CDH12: variants seen among roughly 807,000 people sequenced by gnomAD.
CDH12 encodes the protein cadherin 12.
CDH12 carries 41 observed loss-of-function variants against 74.1 expected under a neutral mutation model. That is an observed-to-expected ratio of 0.55 (90% CI 0.43 to 0.72). The LOEUF is 0.72. Among genes scored for constraint, CDH12 ranks in the 30% least tolerant of loss-of-function variants. The probability of loss-of-function intolerance (pLI) is 0.00; values close to 1 mark genes in which losing one functional copy is unlikely to be tolerated. For synonymous variants in CDH12, 399 were observed against 355.0 expected (o/e 1.12, Z -1.39); for missense variants, 945 against 977.2 (o/e 0.97, Z 0.44).
intron 4 of CDH12, among the ~76,000 whole-genome samples, chr5:22,123,929 T>C (rs533641658): frequency 1.3e-5 from 2 of 151,928 alleles, no homozygotes; most frequent in East Asian, 3.9e-4. Flanking sequence ...AGTTTTTTAA[T>C]TTTTAAAAAA....
intron 1 of CDH12, among the ~76,000 whole-genome samples, chr5:22,667,527 G>T (rs987357305): frequency 6.6e-6 from 1 of 152,154 alleles, no homozygotes; most frequent in Non-Finnish European, 1.5e-5. Flanking sequence ...ACCTCCTTTG[G>T]TCTACTTCCT....
chr5:21,776,352 A>C (rs1230226838), intron 11 of CDH12, among the ~76,000 whole-genome samples: 1 of 152,212 alleles, frequency 6.6e-6, no homozygotes, highest in Admixed American at 6.5e-5. Context: ...TAACTGTAAA[A>C]TAATACATGT....
chr5:22,738,358 A>G (rs186233352), intron 1 of CDH12, among the ~76,000 whole-genome samples: 19 of 152,240 alleles, frequency 1.2e-4, no homozygotes, highest in African/African-American at 3.8e-4. Context: ...ATTTCAGGGA[A>G]AAGGTATTAT....
At chr5:21,880,660 T>C (rs532424572) in intron 6 of CDH12, among the ~76,000 whole-genome samples, 4 of 137,396 alleles carry the variant, frequency 2.9e-5, no homozygotes, top group East Asian at 2.2e-4. Context: ...TCTTTCTTTC[T>C]TTCTTTCTTT....
At chr5:22,789,713 A>C (rs147414571) in intron 1 of CDH12, among the ~76,000 whole-genome samples, 3,043 of 152,100 alleles carry the variant, frequency 0.02, 96 homozygotes, top group African/African-American at 0.069. Context: ...TCAAATTACC[A>C]AAATTTTAAA....
chr5:22,228,690 A>G (rs141887358), intron 3 of CDH12, among the ~76,000 whole-genome samples: 1 of 152,268 alleles, frequency 6.6e-6, no homozygotes, highest in East Asian at 1.9e-4. Context: ...TGAAAACACG[A>G]GCATGATTCT....
At chr5:22,136,598 T>C (rs1316339870) in intron 4 of CDH12, among the ~76,000 whole-genome samples, 10 of 151,332 alleles carry the variant, frequency 6.6e-5, no homozygotes, top group Non-Finnish European at 1.0e-4. Flanking sequence ...CTCAATTATA[T>C]ATACATTATA....
At position 21,854,713 on chromosome 5, in the gene CDH12, T is replaced by C. The variant is rs753232601; in HGVS notation, c.604A>G (p.Ile202Val). The change falls in exon 7 of 15, where the codon ATT becomes GTT. Residue 202 changes from isoleucine (I) to valine (V), a missense_variant. Physicochemically the swap from Ile to Val is conservative, Grantham distance 29. This residue lies in a region of CDH12 where 791 missense variants were observed against 792.8 expected (regional missense o/e 1.00). Coordinates refer to ENST00000382254, the MANE Select transcript of CDH12 (RefSeq NM_004061.5). ...YGNSARVVYS[I>V]LQGQPYFSID... ...GAGAAATAAGGTTGTCCCTGAAGAA[T>C]GCTGTAAACGACTCTGGCACTGTTT... 3 of 1,587,932 alleles carry C rather than the reference T, an allele frequency of 1.9e-6. No individual in the cohort carries two copies. Among genetic ancestry groups the C allele is most frequent in the Admixed American group, 1.7e-5 (1 of 59,550 alleles).
At chr5:22,308,592 A>G (rs1298409036) in intron 3 of CDH12, among the ~76,000 whole-genome samples, 1 of 152,198 alleles carries the variant, frequency 6.6e-6, no homozygotes, top group Admixed American at 6.5e-5. Flanking sequence ...ATTTAATTGT[A>G]TATGTAAATG....
intron 2 of CDH12, among the ~76,000 whole-genome samples, chr5:22,499,161 G>A (rs1244323525): frequency 6.6e-6 from 1 of 151,384 alleles, no homozygotes; most frequent in Non-Finnish European, 1.5e-5. Flanking sequence ...TGATCCGCCT[G>A]TCTTGGCCTC....
chr5:22,596,751 A>G lies in CDH12; in HGVS notation c.-522-91387T>C, dbSNP rs143816135. On this transcript the variant is annotated intron_variant, in intron 1 of 14. Coordinates refer to ENST00000382254, the MANE Select transcript of CDH12 (RefSeq NM_004061.5). Reference sequence around the variant, plus strand: ...ACTAATTTACAGGCTTCTGTTTTCAATAACTACTCTCATCTTACCAGTCAT... The same window carrying G: ...ACTAATTTACAGGCTTCTGTTTTCAGTAACTACTCTCATCTTACCAGTCAT... Among the ~76,000 whole-genome samples, 431 of 152,310 alleles carry G rather than the reference A, an allele frequency of 2.8e-3. 3 individuals are homozygous for G. The highest frequency in any genetic ancestry group is 9.7e-3 in the African/African-American group (405 of 41,578).
chr5:22,196,147 ATTT>A lies in CDH12; in HGVS notation c.-187+16348_-187+16350del, dbSNP rs71609752. ...TCTCTGTCTATTCTATCTGCATGTAATTTTTTTTTTTTTTTTTTGACAGAGTCT... is the reference window on the plus strand; with the variant it reads ...TCTCTGTCTATTCTATCTGCATGTAATTTTTTTTTTTTTTTGACAGAGTCT... On this transcript the variant is annotated intron_variant, in intron 4 of 14. Coordinates refer to ENST00000382254, the MANE Select transcript of CDH12 (RefSeq NM_004061.5). Among the ~76,000 whole-genome samples, 43 of 132,076 alleles carry A rather than the reference ATTT, an allele frequency of 3.3e-4. 1 individual carries two copies. The highest frequency in any genetic ancestry group is 2.3e-4 in the Admixed American group (3 of 12,852). 86.6% of individuals were successfully genotyped at this position (132,076 alleles called of 152,430 possible).
chr5:22,090,784 T>C (rs984120604), intron 4 of CDH12, among the ~76,000 whole-genome samples: 4 of 151,988 alleles, frequency 2.6e-5, no homozygotes, highest in African/African-American at 9.7e-5. Flanking sequence ...CCAATAAATA[T>C]TTAATGTAAT....
intron 6 of CDH12, among the ~76,000 whole-genome samples, chr5:21,971,064 T>A (rs1029658322): frequency 1.5e-4 from 23 of 151,946 alleles, no homozygotes; most frequent in Non-Finnish European, 2.9e-4. Context: ...TCTTTTCTTA[T>A]TTAAATGTCA....
chr5:22,727,139 G>T (rs977999037), intron 1 of CDH12, among the ~76,000 whole-genome samples: 1 of 151,676 alleles, frequency 6.6e-6, no homozygotes, highest in Non-Finnish European at 1.5e-5. Context: ...CCTTTATTGG[G>T]TGTGTGACTA....
chr5:22,661,891 A>G (rs1740367644), intron 1 of CDH12, among the ~76,000 whole-genome samples: 1 of 152,192 alleles, frequency 6.6e-6, no homozygotes, highest in South Asian at 2.1e-4. Context: ...GAATGTATAC[A>G]AATAAGAAAT....
intron 1 of CDH12, among the ~76,000 whole-genome samples, chr5:22,770,024 C>G (rs1037060027): frequency 2.0e-5 from 3 of 151,696 alleles, no homozygotes; most frequent in Non-Finnish European, 4.4e-5. Flanking sequence ...ATAAGCTGCA[C>G]TTACTGGGTT....
chr5:22,267,119 G>A (rs1483712815), intron 3 of CDH12, among the ~76,000 whole-genome samples: 1 of 152,064 alleles, frequency 6.6e-6, no homozygotes, highest in Non-Finnish European at 1.5e-5. Context: ...TGTATTCAAA[G>A]CTCTTTTGCT....
chr5:21,778,862 G>A (rs539837627), intron 11 of CDH12, among the ~76,000 whole-genome samples: 1 of 152,054 alleles, frequency 6.6e-6, no homozygotes, highest in South Asian at 2.1e-4. Context: ...CTTGAAATTT[G>A]ATTTTCTGTA....
Sources: allele counts gnomAD v4.1 joint callset (sites outside exome capture counted in the v4.1 genomes callset), GRCh38; gene constraint gnomAD v4.1.1; regional missense constraint gnomAD v4.1.1; transcripts MANE v1.5; gene names NCBI Gene and HGNC (gene_info 2026-07-23, HGNC 2026-07-21).